Variants in PCCA observed in about 807,000 individuals in gnomAD.
PCCA encodes propionyl-CoA carboxylase subunit alpha.
PCCA carries 74 observed loss-of-function variants against 101.3 expected under a neutral mutation model. The ratio of observed to expected loss-of-function variants is 0.73; its 90% CI spans 0.61 to 0.89. The LOEUF (loss-of-function observed/expected upper bound fraction) is 0.89. Among genes scored for constraint, PCCA ranks in the 40% least tolerant of loss-of-function variants. The probability of loss-of-function intolerance (pLI) is 0.00; values close to 1 mark genes in which losing one functional copy is unlikely to be tolerated. For missense variants in PCCA, 891 were observed against 907.0 expected, an observed-to-expected ratio of 0.98 and a Z score of 0.23; for synonymous variants, 294 against 313.6, an observed-to-expected ratio of 0.94 and a Z score of 0.66.
chr13:100,392,333 CG>C (rs2076837879), intron 19 of PCCA, among the ~76,000 whole-genome samples: 1 of 152,064 alleles, frequency 6.6e-6, no homozygotes. Flanking sequence ...GGCAGATATG[CG>C]TTGACAATTG....
chr13:100,382,083 C>G (rs1464025118), intron 19 of PCCA, among the ~76,000 whole-genome samples: 1 of 152,204 alleles, frequency 6.6e-6, no homozygotes, highest in Non-Finnish European at 1.5e-5. Flanking sequence ...AAAGGGCCAG[C>G]GTAACAACCT....
intron 19 of PCCA, among the ~76,000 whole-genome samples, chr13:100,398,767 A>G (rs1224438589): frequency 6.6e-6 from 1 of 152,164 alleles, no homozygotes; most frequent in Non-Finnish European, 1.5e-5. Context: ...TTAGATATTG[A>G]CATGCAATTT....
intron 1 of PCCA, among the ~76,000 whole-genome samples, chr13:100,093,048 G>A (rs548720285): frequency 1.3e-5 from 2 of 152,330 alleles, no homozygotes; most frequent in African/African-American, 4.8e-5. Context: ...TTTTGATGAA[G>A]AGTGAGGGAA....
At chr13:100,094,909 A>G (rs1477527644) in intron 1 of PCCA, among the ~76,000 whole-genome samples, 1 of 152,142 alleles carries the variant, frequency 6.6e-6, no homozygotes, top group Non-Finnish European at 1.5e-5. Context: ...TTATTTATTC[A>G]AGAAACCTTT....
intron 6 of PCCA, among the ~76,000 whole-genome samples, chr13:100,206,753 C>T (rs148153846): frequency 9.3e-4 from 141 of 152,290 alleles, no homozygotes; most frequent in Middle Eastern, 6.8e-3. Flanking sequence ...CTTCCCCTTC[C>T]TCTCTTCCCT....
At chr13:100,494,421 C>T (rs1372277341) in intron 21 of PCCA, among the ~76,000 whole-genome samples, 7 of 152,106 alleles carry the variant, frequency 4.6e-5, no homozygotes, top group Non-Finnish European at 7.4e-5. Context: ...CGGTGGCTCA[C>T]GCCTGTAATC....
At chr13:100,352,832 A>G (rs1391632466) in intron 18 of PCCA, among the ~76,000 whole-genome samples, 6 of 152,142 alleles carry the variant, frequency 3.9e-5, no homozygotes, top group Admixed American at 2.0e-4. Flanking sequence ...CTCCCAAGGA[A>G]CTAGGACTAC....
intron 7 of PCCA, among the ~76,000 whole-genome samples, chr13:100,209,820 C>T (rs1222177557): frequency 1.3e-5 from 2 of 152,062 alleles, no homozygotes; most frequent in Non-Finnish European, 2.9e-5. Flanking sequence ...TTAGTAGAGA[C>T]AGGGTTTCAC....
At chr13:100,524,983 G>GGATA (rs201979758) in intron 22 of PCCA, among the ~76,000 whole-genome samples, 9,510 of 137,136 alleles carry the variant, frequency 0.069, 356 homozygotes, top group Non-Finnish European at 0.084. Context: ...TCTCTAAGAT[G>GGATA]GATAGATAGA....
chr13:100,124,547 G>A (rs2049762582), intron 4 of PCCA, among the ~76,000 whole-genome samples: 1 of 152,104 alleles, frequency 6.6e-6, no homozygotes, highest in Non-Finnish European at 1.5e-5. Context: ...TAAGGTGAGG[G>A]CAGTCATCAC....
intron 7 of PCCA, among the ~76,000 whole-genome samples, chr13:100,215,497 A>G (rs530698807): frequency 6.5e-4 from 99 of 152,298 alleles, no homozygotes; most frequent in African/African-American, 2.2e-3. Context: ...GCATGTCTTC[A>G]TATCTACAAG....
intron 19 of PCCA, among the ~76,000 whole-genome samples, chr13:100,409,397 TTGAA>T (rs1342458295): frequency 2.6e-5 from 4 of 152,108 alleles, no homozygotes; most frequent in African/African-American, 9.7e-5. Flanking sequence ...GGCTTGCAGT[TTGAA>T]TGGGAGTAAG....
chr13:100,136,747 G>C (rs1029412843), intron 4 of PCCA, among the ~76,000 whole-genome samples: 2 of 152,030 alleles, frequency 1.3e-5, no homozygotes, highest in African/African-American at 4.8e-5. Flanking sequence ...AGTTTGTAGT[G>C]ATAACCTCTT....
intron 4 of PCCA, chr13:100,150,846 G>A (rs2053224252): frequency 6.3e-7 from 1 of 1,581,242 alleles, no homozygotes; most frequent in African/African-American, 1.3e-5. Context: ...TGATGGACAG[G>A]CTTGCCATAA....
intron 6 of PCCA, among the ~76,000 whole-genome samples, chr13:100,201,059 C>T (rs1344568245): frequency 1.3e-5 from 2 of 151,988 alleles, no homozygotes; most frequent in East Asian, 3.9e-4. Context: ...CTCAGGATAA[C>T]AATGTTAATA....
chr13:100,341,444 A>C (rs183538829), intron 18 of PCCA, among the ~76,000 whole-genome samples: 1 of 152,282 alleles, frequency 6.6e-6, no homozygotes, highest in East Asian at 1.9e-4. Flanking sequence ...TATGGGAGGC[A>C]CTAGCCATGT....
chr13:100,278,915 AAAT>A (rs1328937393), intron 12 of PCCA, among the ~76,000 whole-genome samples: 2 of 152,224 alleles, frequency 1.3e-5, no homozygotes, highest in Non-Finnish European at 2.9e-5. Flanking sequence ...TCAAGAAAAA[AAAT>A]CAAATTCACA....
intron 12 of PCCA, among the ~76,000 whole-genome samples, chr13:100,285,149 A>G (rs1048400445): frequency 1.6e-4 from 24 of 152,200 alleles, no homozygotes; most frequent in Admixed American, 1.6e-3. Context: ...ACATTAAAAC[A>G]GTTGTGGGGG....
intron 22 of PCCA, among the ~76,000 whole-genome samples, chr13:100,517,090 T>TGTGTGTGTGTGTGTG (rs2086891825): frequency 1.4e-5 from 2 of 146,634 alleles, no homozygotes; most frequent in African/African-American, 5.1e-5. Context: ...TGTGTGTGTG[T>TGTGTGTGTGTGTGTG]TTCAAGTAAG....
Sources: allele counts gnomAD v4.1 joint callset (sites outside exome capture counted in the v4.1 genomes callset), GRCh38; gene constraint gnomAD v4.1.1; transcripts MANE v1.5; gene names NCBI Gene and HGNC (gene_info 2026-07-23, HGNC 2026-07-21).